ADGRG2: variants seen among roughly 807,000 people sequenced by gnomAD.
The protein encoded by ADGRG2 is adhesion G protein-coupled receptor G2.
ADGRG2 carries 26 observed loss-of-function variants against 74.1 expected under a neutral mutation model. That is an observed-to-expected ratio of 0.35 (90% CI 0.26 to 0.49). The LOEUF (loss-of-function observed/expected upper bound fraction) is 0.49. Ranked by LOEUF, ADGRG2 falls within the 20% of genes least tolerant of loss-of-function variation. The pLI is 0.99. For synonymous variants in ADGRG2, 296 were observed against 295.2 expected (o/e 1.00, Z -0.03); for missense variants, 619 against 763.1 (o/e 0.81, Z 2.22).
rs1323579545 is a variant in ADGRG2 at position 19,010,618 on chromosome X, A to G, written c.1260T>C (p.Ala420=). The G allele has an allele frequency of 7.5e-6, 9 of 1,203,318 alleles. No homozygotes were observed. The Admixed American group carries it at 1.3e-4, about 18-fold the overall frequency. Residue 420 remains alanine, a synonymous_variant, in exon 17 of 29, where the codon GCT becomes GCC. Coordinates refer to ENST00000379869, the MANE Select transcript of ADGRG2 (RefSeq NM_001079858.3). ...HSPPDMLAPL[A]QRLLKVVDDI... is the part of the protein sequence containing the mutation. ...TTCAGTTTGCGAAGTCGTACCTTTG[A>G]GCCAGAGGGGCCAGCATGTCAGGCG...
intron 16 of ADGRG2, among the ~76,000 whole-genome samples, chrX:19,013,003 T>C (rs375549499): frequency 9.0e-6 from 1 of 111,330 alleles, no homozygotes; most frequent in East Asian, 2.8e-4. Context: ...CTCATGCAGT[T>C]AGTGTGATGA....
At chrX:19,025,169 C>T (rs1490618454) in intron 11 of ADGRG2, among the ~76,000 whole-genome samples, 1 of 111,777 alleles carries the variant, frequency 8.9e-6, no homozygotes, top group African/African-American at 3.3e-5. Context: ...TTAGAACATC[C>T]ATCCTTTGGT....
chrX:19,004,672 G>T, intron 23 of ADGRG2, 86 bp downstream of exon 23: 1 of 951,024 alleles, frequency 1.1e-6, no homozygotes, highest in Non-Finnish European at 1.5e-6. Flanking sequence ...GGTAAGGCAG[G>T]CCGAGGAAAG....
intron 8 of ADGRG2, 159 bp from the exon 9 acceptor site, chrX:19,031,196 T>A: frequency 2.2e-6 from 1 of 458,698 alleles, no homozygotes; most frequent in Admixed American, 3.6e-5. Context: ...ACTAAAGAAA[T>A]GAGTTTTCAT....
At chrX:19,033,238 T>C (rs937728659) in intron 8 of ADGRG2, 15 of 128,781 alleles carry the variant, frequency 1.2e-4, no homozygotes, top group Admixed American at 2.8e-4. Flanking sequence ...AAAAAAAAAT[T>C]TGAGGTTCAT....
chrX:19,050,575 T>C (rs1055214527), intron 3 of ADGRG2, among the ~76,000 whole-genome samples: 5 of 111,539 alleles, frequency 4.5e-5, no homozygotes, highest in African/African-American at 1.3e-4. Flanking sequence ...TGGCTGCACA[T>C]TAATATCACC....
chrX:19,007,197 T>C (rs1479520364), intron 20 of ADGRG2, 38 bp downstream of exon 20: 1 of 1,200,144 alleles, frequency 8.3e-7, no homozygotes, highest in Admixed American at 2.2e-5. Context: ...TACAAGGTGT[T>C]CCTGGTCAAT....
At chrX:19,108,742 G>C (rs943213687) in intron 1 of ADGRG2, among the ~76,000 whole-genome samples, 2 of 111,649 alleles carry the variant, frequency 1.8e-5, no homozygotes, top group Non-Finnish European at 3.8e-5. Context: ...GTCACCCTTG[G>C]GGGGCAGTGA....
Position 19,019,672 on chromosome X carries a change from G to A in ADGRG2, c.644-7C>T. On this transcript the variant is annotated splice_polypyrimidine_tract_variant and splice_region_variant and intron_variant, in intron 14 of 28. Transcript: ENST00000379869. Reference sequence around the variant, plus strand: ...ACAGAACAGCAGCAGTGTTCTAGGAGAGACAAAAGGAAAAGGAGTAAGAAA... The same window carrying A: ...ACAGAACAGCAGCAGTGTTCTAGGAAAGACAAAAGGAAAAGGAGTAAGAAA... 1 of 1,094,662 alleles carries A rather than the reference G, an allele frequency of 9.1e-7. No homozygotes were observed. Among genetic ancestry groups the A allele is most frequent in the Non-Finnish European group, 1.3e-6 (1 of 792,695 alleles). The allele number at this position is 1,094,662 out of a possible 1,213,427, so 90.2% of individuals were successfully genotyped here. A position where few individuals can be genotyped will look rare whatever the true frequency, so the allele number is the denominator to read the frequency against.
chrX:18,995,116 A>G, intron 27 of ADGRG2, 68 bp from the exon 28 acceptor site: 1 of 816,002 alleles, frequency 1.2e-6, no homozygotes, highest in East Asian at 3.4e-5. Flanking sequence ...GAGACAGATC[A>G]CAGTGTAACA....
intron 1 of ADGRG2, among the ~76,000 whole-genome samples, chrX:19,104,291 A>G (rs1326040406): frequency 9.1e-6 from 1 of 110,473 alleles, no homozygotes; most frequent in Admixed American, 9.7e-5. Context: ...CCGGGATGTG[A>G]TCAAGCTTCT....
intron 3 of ADGRG2, among the ~76,000 whole-genome samples, chrX:19,045,294 G>GTTATTA (rs3056193): frequency 0.06 from 5,676 of 95,316 alleles, 306 homozygotes; most frequent in African/African-American, 0.16. Flanking sequence ...GGGGGGTGTT[G>GTTATTA]TTATTATTAT....
intron 3 of ADGRG2, among the ~76,000 whole-genome samples, chrX:19,064,833 T>C (rs1187706619): frequency 1.8e-5 from 2 of 111,855 alleles, no homozygotes; most frequent in Non-Finnish European, 3.8e-5. Flanking sequence ...GCTTAACTCC[T>C]CTGTGCCTCA....
chrX:19,100,032 TCAAAAAAACA>T (rs765499975), intron 1 of ADGRG2, among the ~76,000 whole-genome samples: 2 of 110,938 alleles, frequency 1.8e-5, no homozygotes, highest in Non-Finnish European at 3.8e-5. Flanking sequence ...AGACCCTGTC[TCAAAAAAACA>T]CCAAAAAACA....
intron 1 of ADGRG2, among the ~76,000 whole-genome samples, chrX:19,105,987 C>T (rs1160860624): frequency 2.9e-5 from 3 of 104,631 alleles, no homozygotes; most frequent in African/African-American, 1.1e-4. Flanking sequence ...GGCACATATT[C>T]GAGATAAGTA....
chrX:18,999,364 AT>A, intron 25 of ADGRG2, 85 bp from the exon 26 acceptor site: 1 of 825,451 alleles, frequency 1.2e-6, no homozygotes, highest in Non-Finnish European at 1.7e-6. Flanking sequence ...AATCTCTAAC[AT>A]TTTACTGAAA....
At chrX:19,044,617 G>C (rs976740776) in intron 3 of ADGRG2, among the ~76,000 whole-genome samples, 1 of 111,195 alleles carries the variant, frequency 9.0e-6, no homozygotes, top group Non-Finnish European at 1.9e-5. Context: ...TCCTACAGGG[G>C]TCAAGTGAAG....
chrX:19,003,560 A>G lies in ADGRG2; in HGVS notation c.1962-446T>C, dbSNP rs190906725. 5.4e-5 allele frequency among the ~76,000 whole-genome samples: 6 copies of G among 111,131 alleles called. No homozygotes were observed. In the Admixed American group the frequency reaches 5.8e-4, roughly 11 times the overall value. On this transcript the variant is annotated intron_variant, in intron 23 of 28. Transcript: ENST00000379869. ...GCATAAATTTCCTCTGTTTGAGTAT[A>G]TGTGTATATGGGGTGGGGGGGAGCT...
At chrX:19,077,884 A>T (rs888325827) in intron 2 of ADGRG2, among the ~76,000 whole-genome samples, 5 of 112,467 alleles carry the variant, frequency 4.4e-5, no homozygotes, top group African/African-American at 1.3e-4. Flanking sequence ...ACCAAACAGC[A>T]TTGACAGAAT....
Sources: gnomAD v4.1 joint callset for allele counts (sites outside exome capture counted in the v4.1 genomes callset) on GRCh38, gnomAD v4.1.1 for gene constraint, MANE v1.5 for transcripts, NCBI Gene and HGNC (gene_info 2026-07-23, HGNC 2026-07-21) for gene names.